Variants in TMOD3 observed in about 807,000 individuals in gnomAD.
TMOD3 encodes the protein tropomodulin-3.
Under a neutral mutation model 39.2 loss-of-function variants are expected in TMOD3, and 20 were observed. The observed-to-expected ratio is 0.51, with a 90% CI of 0.36 to 0.74. The LOEUF (loss-of-function observed/expected upper bound fraction) is 0.74. Ranked by LOEUF, TMOD3 falls within the 30% of genes least tolerant of loss-of-function variation. The probability of loss-of-function intolerance (pLI) is 0.00; values close to 1 mark genes in which losing one functional copy is unlikely to be tolerated. For missense variants in TMOD3, 381 were observed against 412.8 expected, an observed-to-expected ratio of 0.92 and a Z score of 0.67; for synonymous variants, 143 against 145.8, an observed-to-expected ratio of 0.98 and a Z score of 0.14.
intron 3 of TMOD3, among the ~76,000 whole-genome samples, chr15:51,875,759 G>A (rs2056499220): frequency 6.6e-6 from 1 of 151,888 alleles, no homozygotes. Flanking sequence ...GGGACTACAG[G>A]CAGCCGCCAC....
intron 8 of TMOD3, among the ~76,000 whole-genome samples, chr15:51,901,683 C>T (rs1251035240): frequency 1.3e-5 from 2 of 150,836 alleles, no homozygotes; most frequent in Admixed American, 1.3e-4. Flanking sequence ...ACAAACATTT[C>T]ATAGCTTTAA....
At chr15:51,882,831 CTG>C (rs1179171370) in intron 3 of TMOD3, among the ~76,000 whole-genome samples, 1 of 151,916 alleles carries the variant, frequency 6.6e-6, no homozygotes, top group Non-Finnish European at 1.5e-5. Flanking sequence ...AAAAAAACAA[CTG>C]AGATTTTGAA....
intron 1 of TMOD3, among the ~76,000 whole-genome samples, chr15:51,830,174 C>T (rs1253288447): frequency 6.6e-6 from 1 of 152,120 alleles, no homozygotes; most frequent in Non-Finnish European, 1.5e-5. Context: ...CTGCACCCTA[C>T]CCAGCGTCGC....
chr15:51,851,331 T>TA (rs1412829105), intron 1 of TMOD3, among the ~76,000 whole-genome samples: 1 of 152,172 alleles, frequency 6.6e-6, no homozygotes, highest in Non-Finnish European at 1.5e-5. Flanking sequence ...AGCAATTGTG[T>TA]AAAAATTTTT....
intron 3 of TMOD3, among the ~76,000 whole-genome samples, chr15:51,882,884 C>G (rs2056542054): frequency 6.6e-6 from 1 of 152,076 alleles, no homozygotes. Flanking sequence ...CTGAGAGCCC[C>G]TTAAGTTCTG....
chr15:51,831,310 A>G (rs2056253747), intron 1 of TMOD3, among the ~76,000 whole-genome samples: 1 of 152,248 alleles, frequency 6.6e-6, no homozygotes, highest in African/African-American at 2.4e-5. Context: ...AAATAGGTAC[A>G]GGTCAAATCC....
At chr15:51,864,784 G>C (rs983146549) in intron 2 of TMOD3, among the ~76,000 whole-genome samples, 3 of 152,138 alleles carry the variant, frequency 2.0e-5, no homozygotes, top group Non-Finnish European at 4.4e-5. Flanking sequence ...GGTGATTTAG[G>C]GGGAGGGGAA....
chr15:51,859,948 C>T, intron 1 of TMOD3: 1 of 546,170 alleles, frequency 1.8e-6, no homozygotes, highest in East Asian at 5.1e-5. Flanking sequence ...CTCTGAGGAA[C>T]CCACTATTTG....
At chr15:51,889,375 G>A (rs1388222179) in intron 5 of TMOD3, among the ~76,000 whole-genome samples, 1 of 151,996 alleles carries the variant, frequency 6.6e-6, no homozygotes, top group Non-Finnish European at 1.5e-5. Flanking sequence ...ACTAAATAAT[G>A]CTAAACAGTA....
At chr15:51,900,118 C>G (rs2141707375) in intron 7 of TMOD3, 37 bp from the exon 8 acceptor site, 2 of 1,600,848 alleles carry the variant, frequency 1.2e-6, no homozygotes, top group Non-Finnish European at 1.7e-6. Flanking sequence ...GGTACTGTAT[C>G]AAATTTTAAT....
At position 51,881,068 on chromosome 15, in the gene TMOD3, T is replaced by C. The variant is rs1486233099; in HGVS notation, c.284-6521T>C. Among the ~76,000 whole-genome samples the C allele has an allele frequency of 1.3e-5, 2 of 152,196 alleles. 1 individual carries two copies. The highest frequency in any genetic ancestry group is 2.9e-5 in the Non-Finnish European group (2 of 68,042). Reference sequence around the variant, plus strand: ...GCATTTCCCTAATAACTAATGATACTGAGTATTTTTTCATGTATTGTTAGA... The same window carrying C: ...GCATTTCCCTAATAACTAATGATACCGAGTATTTTTTCATGTATTGTTAGA... On this transcript the variant is annotated intron_variant, in intron 3 of 9. Coordinates refer to ENST00000308580, the MANE Select transcript of TMOD3 (RefSeq NM_014547.5).
At position 51,889,208 on chromosome 15, in the gene TMOD3, G is replaced by T. The variant is rs1159524006; in HGVS notation, c.496+63G>T. 3 of 1,135,562 alleles carry T rather than the reference G, an allele frequency of 2.6e-6. No homozygotes were observed. In the African/African-American group the frequency reaches 4.7e-5, roughly 18 times the overall value. The allele number at this position is 1,135,562 out of a possible 1,614,324, so 70.3% of individuals were successfully genotyped here. ...ATTAAATATATTTTGTTTTCGCCTT[G>T]TGTCAGCTTAAGTGTTCACATACTA... is the stretch of plus-strand genomic sequence containing the variant. On this transcript the variant is annotated intron_variant, in intron 5 of 9. Coordinates refer to ENST00000308580, the MANE Select transcript of TMOD3 (RefSeq NM_014547.5).
intron 6 of TMOD3, among the ~76,000 whole-genome samples, chr15:51,896,169 C>G (rs1032683673): frequency 6.6e-6 from 1 of 151,922 alleles, no homozygotes; most frequent in Non-Finnish European, 1.5e-5. Context: ...TTTTTTTTAA[C>G]CTAAATGCTA....
At chr15:51,864,575 G>C (rs2056435634) in intron 2 of TMOD3, among the ~76,000 whole-genome samples, 1 of 152,168 alleles carries the variant, frequency 6.6e-6, no homozygotes, top group Non-Finnish European at 1.5e-5. Context: ...CAGAGGCACA[G>C]GGGGAAGCAC....
rs1595915506 is a variant in TMOD3 at position 51,907,356 on chromosome 15, T to C, written c.1025-1420T>C. On this transcript the variant is annotated intron_variant, in intron 9 of 9. Transcript: ENST00000308580. ...AAATAAACTTAAGAGTCAGGCGAAC[T>C]TAATTAGATAGTTATAAAAATGTTC... 2.0e-5 allele frequency: 3 copies of C among 152,368 alleles called. No individual in the cohort carries two copies. The East Asian group carries it at 5.8e-4, about 29-fold the overall frequency. The allele number at this position is 152,368 out of a possible 1,614,324, so 9.4% of individuals were successfully genotyped here.
At position 51,868,576 on chromosome 15, in the gene TMOD3, T is replaced by C. The variant is rs951677315; in HGVS notation, c.127-641T>C. Among the ~76,000 whole-genome samples, 12 of 152,234 alleles carry C rather than the reference T, an allele frequency of 7.9e-5. 1 individual carries two copies. The highest frequency in any genetic ancestry group is 7.2e-4 in the Admixed American group (11 of 15,282). On this transcript the variant is annotated intron_variant, in intron 2 of 9. Transcript: ENST00000308580. ...ACTCCCACTTATGTAAGTAAGAAGA[T>C]GTGGTATGTGGTTAATAAAACTTTT... is the stretch of plus-strand genomic sequence containing the variant.
chr15:51,873,008 A>G (rs183895000), intron 3 of TMOD3, among the ~76,000 whole-genome samples: 79 of 152,332 alleles, frequency 5.2e-4, no homozygotes, highest in African/African-American at 1.8e-3. Flanking sequence ...CTCTTCAACA[A>G]TCAAGCAACT....
At chr15:51,861,415 GT>G (rs2056418227) in intron 1 of TMOD3, 1 of 148,774 alleles carries the variant, frequency 6.7e-6, no homozygotes, top group African/African-American at 2.5e-5. Flanking sequence ...GACTCCAGTG[GT>G]GAGCCTGCCT....
intron 1 of TMOD3, among the ~76,000 whole-genome samples, chr15:51,847,535 A>T (rs150414535): frequency 2.0e-5 from 3 of 152,314 alleles, no homozygotes; most frequent in Non-Finnish European, 2.9e-5. Context: ...CGCCACAAAA[A>T]TTATTAAAAT....
Sources: gnomAD v4.1 joint callset for allele counts (sites outside exome capture counted in the v4.1 genomes callset) on GRCh38, gnomAD v4.1.1 for gene constraint, MANE v1.5 for transcripts, NCBI Gene and HGNC (gene_info 2026-07-23, HGNC 2026-07-21) for gene names.